Variants in PIGL observed in about 807,000 individuals in gnomAD.
The protein encoded by PIGL is phosphatidylinositol glycan anchor biosynthesis class L, also known as N-acetylglucosaminyl-phosphatidylinositol de-N-acetylase.
In PIGL, 22 loss-of-function variants were observed where a neutral mutation model predicts 31.1. The observed-to-expected ratio is 0.71, with a 90% CI of 0.51 to 1.01. The LOEUF (loss-of-function observed/expected upper bound fraction) is 1.01. Ranked by LOEUF, PIGL falls within the 50% of genes least tolerant of loss-of-function variation. The pLI, the probability that PIGL is intolerant of heterozygous loss-of-function variation, is 0.00. For synonymous variants in PIGL, 131 were observed against 117.4 expected (o/e 1.12, Z -0.75); for missense variants, 302 against 315.9 (o/e 0.96, Z 0.33).
At chr17:16,250,023 T>C (rs2092764151) in intron 2 of PIGL, among the ~76,000 whole-genome samples, 2 of 152,180 alleles carry the variant, frequency 1.3e-5, no homozygotes, top group Admixed American at 1.3e-4. Context: ...TTTGGCTCAC[T>C]GCAACCTCCA....
chr17:16,275,537 A>G (rs548730259), intron 2 of PIGL, among the ~76,000 whole-genome samples: 28 of 152,298 alleles, frequency 1.8e-4, no homozygotes, highest in African/African-American at 6.5e-4. Flanking sequence ...CCCCTATTCA[A>G]GATGGAATTG....
chr17:16,240,830 C>A (rs1487041655), intron 2 of PIGL, among the ~76,000 whole-genome samples: 1 of 149,494 alleles, frequency 6.7e-6, no homozygotes, highest in East Asian at 2.1e-4. Context: ...AGAAATAGGC[C>A]GGGCATGGTG....
chr17:16,258,523 G>A (rs1030811239), intron 2 of PIGL, among the ~76,000 whole-genome samples: 2 of 147,964 alleles, frequency 1.4e-5, no homozygotes, highest in Non-Finnish European at 3.0e-5. Context: ...TTTATTTTGA[G>A]ACAAAGTTTT....
intron 2 of PIGL, among the ~76,000 whole-genome samples, chr17:16,298,837 G>C (rs1187076537): frequency 6.6e-6 from 1 of 152,050 alleles, no homozygotes; most frequent in African/African-American, 2.4e-5. Context: ...AGACCAGCCT[G>C]GCCAACTTGG....
intron 2 of PIGL, among the ~76,000 whole-genome samples, chr17:16,256,303 T>C (rs1453088499): frequency 6.6e-6 from 1 of 152,136 alleles, no homozygotes; most frequent in African/African-American, 2.4e-5. Context: ...CCCAAGAAGA[T>C]GTTCATAATA....
chr17:16,311,806 CAGA>C (rs1282032252), intron 3 of PIGL, among the ~76,000 whole-genome samples: 1 of 152,216 alleles, frequency 6.6e-6, no homozygotes, highest in South Asian at 2.1e-4. Flanking sequence ...CATCGCAAGG[CAGA>C]AGAATTTTTC....
In PIGL at chr17:16,217,241, G is replaced by A. The variant is rs1055465827; in HGVS notation, c.15G>A (p.Trp5Ter). 18 of 1,614,042 alleles carry A rather than the reference G, an allele frequency of 1.1e-5. No homozygotes were observed. Among genetic ancestry groups the A allele is most frequent in the Non-Finnish European group, 1.5e-5 (18 of 1,180,020 alleles). ...GCTTACCCATCATGGAAGCAATGTG[G>A]CTCCTGTGTGTGGCGTTGGCGGTCT... is the stretch of plus-strand genomic sequence containing the variant. MEAM[W>*]LLCVALAVLA... is the part of the protein sequence containing the mutation. The change falls in exon 1 of 7, where the codon TGG becomes TGA. Residue 5 changes from tryptophan to a stop codon, truncating the protein, a stop_gained. Transcript: ENST00000225609. LOFTEE classifies it high-confidence loss of function.
chr17:16,291,506 CAAA>C (rs71150287), intron 2 of PIGL, among the ~76,000 whole-genome samples: 11 of 99,748 alleles, frequency 1.1e-4, no homozygotes, highest in African/African-American at 1.8e-4. Flanking sequence ...GACTCTGGCT[CAAA>C]AAAAAAAAAA....
At chr17:16,218,282 A>G (rs2092606610) in intron 1 of PIGL, 2 of 152,192 alleles carry the variant, frequency 1.3e-5, no homozygotes, top group African/African-American at 4.8e-5. Context: ...CTTCACAGAA[A>G]TCACATTTTA....
At chr17:16,226,208 CA>C (rs1209502385) in intron 1 of PIGL, among the ~76,000 whole-genome samples, 3 of 151,998 alleles carry the variant, frequency 2.0e-5, no homozygotes, top group Non-Finnish European at 4.4e-5. Context: ...TGGTTTCAGA[CA>C]AAGTATACTT....
At chr17:16,217,486 G>A (rs1369640966) in intron 1 of PIGL, 25 bp downstream of exon 1, 1 of 1,567,968 alleles carries the variant, frequency 6.4e-7, no homozygotes, top group Non-Finnish European at 8.8e-7. Flanking sequence ...GAGGGGCGAT[G>A]GGAGCCGGGG....
intron 3 of PIGL, among the ~76,000 whole-genome samples, chr17:16,304,151 G>A (rs1374552890): frequency 2.0e-5 from 3 of 152,212 alleles, no homozygotes. Flanking sequence ...GGCTAGTGTA[G>A]CTATAACTGG....
At chr17:16,303,625 G>A (rs1440897988) in intron 3 of PIGL, among the ~76,000 whole-genome samples, 1 of 151,548 alleles carries the variant, frequency 6.6e-6, no homozygotes. Flanking sequence ...TGCAACCTCC[G>A]CCTCCCGGGT....
At chr17:16,290,329 C>T (rs180783345) in intron 2 of PIGL, among the ~76,000 whole-genome samples, 3 of 152,094 alleles carry the variant, frequency 2.0e-5, no homozygotes, top group Non-Finnish European at 4.4e-5. Context: ...GTGATCCACC[C>T]TCCTGGGATT....
At chr17:16,257,004 C>T (rs964705087) in intron 2 of PIGL, among the ~76,000 whole-genome samples, 5 of 152,128 alleles carry the variant, frequency 3.3e-5, no homozygotes, top group Admixed American at 6.6e-5. Context: ...TTTTAAGACC[C>T]TCTTCCTGAT....
At chr17:16,249,749 G>A (rs2092763032) in intron 2 of PIGL, among the ~76,000 whole-genome samples, 1 of 152,180 alleles carries the variant, frequency 6.6e-6, no homozygotes, top group African/African-American at 2.4e-5. Flanking sequence ...TCAGGAGAGA[G>A]GAAATCACCT....
chr17:16,240,781 T>C (rs2092719453), intron 2 of PIGL, among the ~76,000 whole-genome samples: 1 of 151,438 alleles, frequency 6.6e-6, no homozygotes, highest in Non-Finnish European at 1.5e-5. Flanking sequence ...ATTAGAGGCG[T>C]GAGCCAGCGC....
intron 2 of PIGL, among the ~76,000 whole-genome samples, chr17:16,264,581 T>G (rs2142756191): frequency 6.6e-6 from 1 of 151,696 alleles, no homozygotes; most frequent in African/African-American, 2.4e-5. Flanking sequence ...GTCAAACTAG[T>G]CTTCCCAAAC....
chr17:16,286,826 A>G (rs573971784), intron 2 of PIGL, among the ~76,000 whole-genome samples: 3 of 152,252 alleles, frequency 2.0e-5, no homozygotes, highest in East Asian at 1.9e-4. Flanking sequence ...ATGTGCTTCA[A>G]TAGCCACTGA....
Sources: allele counts gnomAD v4.1 joint callset (sites outside exome capture counted in the v4.1 genomes callset), GRCh38; gene constraint gnomAD v4.1.1; transcripts MANE v1.5; gene names NCBI Gene and HGNC (gene_info 2026-07-23, HGNC 2026-07-21).